Variants in DPYD observed in about 807,000 individuals in gnomAD.
The protein encoded by DPYD is dihydropyrimidine dehydrogenase [NADP(+)].
A neutral mutation model predicts 116.2 loss-of-function variants in DPYD; 109 were observed. That is an observed-to-expected ratio of 0.94 (90% CI 0.80 to 1.10). The LOEUF is 1.10. Ranked by LOEUF, DPYD falls within the 50% of genes least tolerant of loss-of-function variation. The pLI is 0.00. For missense variants in DPYD, 1,302 were observed against 1,254.5 expected (o/e 1.04, Z -0.57); for synonymous variants, 440 against 432.0 (o/e 1.02, Z -0.23).
intron 8 of DPYD, among the ~76,000 whole-genome samples, chr1:97,653,004 C>A (rs2100846298): frequency 6.6e-6 from 1 of 152,214 alleles, no homozygotes; most frequent in South Asian, 2.1e-4. Flanking sequence ...CAGTGATGAT[C>A]CTGCTTCAAT....
At chr1:97,619,325 C>A (rs1656493705) in intron 8 of DPYD, among the ~76,000 whole-genome samples, 1 of 152,148 alleles carries the variant, frequency 6.6e-6, no homozygotes, top group African/African-American at 2.4e-5. Flanking sequence ...AACCTGACAA[C>A]TACTAGCTTA....
At chr1:97,643,179 T>C (rs1658037574) in intron 8 of DPYD, among the ~76,000 whole-genome samples, 2 of 152,126 alleles carry the variant, frequency 1.3e-5, no homozygotes, top group African/African-American at 2.4e-5. Context: ...TTTTGTAATC[T>C]ATCCATCTGA....
intron 13 of DPYD, among the ~76,000 whole-genome samples, chr1:97,493,158 G>A (rs1679063013): frequency 6.6e-6 from 1 of 152,124 alleles, no homozygotes; most frequent in Non-Finnish European, 1.5e-5. Flanking sequence ...GGAAGTTAAG[G>A]AATATGCTCT....
intron 10 of DPYD, among the ~76,000 whole-genome samples, chr1:97,580,669 A>G (rs1653587171): frequency 6.6e-6 from 1 of 152,164 alleles, no homozygotes; most frequent in South Asian, 2.1e-4. Flanking sequence ...AGATTTAGCA[A>G]TAACCCTGCT....
intron 20 of DPYD, among the ~76,000 whole-genome samples, chr1:97,191,742 T>G (rs1353887451): frequency 1.3e-5 from 2 of 152,150 alleles, no homozygotes; most frequent in Non-Finnish European, 2.9e-5. Flanking sequence ...GGTCATAAAC[T>G]ATCATGTCAG....
intron 20 of DPYD, among the ~76,000 whole-genome samples, chr1:97,143,060 G>GT (rs1441020626): frequency 1.3e-5 from 2 of 151,456 alleles, no homozygotes; most frequent in Non-Finnish European, 2.9e-5. Flanking sequence ...TTTTTTTCCT[G>GT]TCCACAAATG....
At chr1:97,602,384 T>G (rs1655306332) in intron 8 of DPYD, among the ~76,000 whole-genome samples, 1 of 152,068 alleles carries the variant, frequency 6.6e-6, no homozygotes, top group South Asian at 2.1e-4. Flanking sequence ...ATTTAGAATA[T>G]CTACAGGTGA....
intron 4 of DPYD, among the ~76,000 whole-genome samples, chr1:97,736,152 C>A (rs527893424): frequency 2.0e-5 from 3 of 151,806 alleles, no homozygotes; most frequent in Admixed American, 6.6e-5. Context: ...TGTTTAACAT[C>A]AAAAACTAAA....
At chr1:97,524,146 T>G (rs1319372921) in intron 12 of DPYD, among the ~76,000 whole-genome samples, 1 of 152,112 alleles carries the variant, frequency 6.6e-6, no homozygotes, top group African/African-American at 2.4e-5. Context: ...CCCAAGAAAC[T>G]TATGGTCAAG....
intron 5 of DPYD, among the ~76,000 whole-genome samples, chr1:97,718,274 GA>G (rs1301015796): frequency 6.6e-6 from 1 of 151,628 alleles, no homozygotes; most frequent in Non-Finnish European, 1.5e-5. Flanking sequence ...CTTATTTTGA[GA>G]ATTGTCTATT....
In DPYD at chr1:97,079,086, T is replaced by C; in HGVS notation, c.2968A>G (p.Thr990Ala). ...PTITDTCTGC[T>A]LCLSVCPIVD... ...ATAGGGCAAACACTGAGACACAGAG[T>C]ACAGCCTGTACAAGTGTCGGTTATG... Residue 990 changes from threonine to alanine, a missense_variant, in exon 23 of 23, where the codon ACT becomes GCT. Transcript: ENST00000370192. 1 of 1,613,654 alleles carries C rather than the reference T, an allele frequency of 6.2e-7. No individual in the cohort carries two copies.
chr1:97,203,565 A>G (rs1023916733), intron 19 of DPYD, among the ~76,000 whole-genome samples: 1 of 150,954 alleles, frequency 6.6e-6, no homozygotes, highest in African/African-American at 2.4e-5. Context: ...CCAGCATGGC[A>G]CATGTATACA....
chr1:97,611,456 A>T (rs900556047), intron 8 of DPYD, among the ~76,000 whole-genome samples: 1 of 152,074 alleles, frequency 6.6e-6, no homozygotes, highest in Non-Finnish European at 1.5e-5. Flanking sequence ...TTATTTTTCT[A>T]TAGAGAGAAA....
chr1:97,105,363 T>C (rs1651060956), intron 20 of DPYD, among the ~76,000 whole-genome samples: 1 of 152,018 alleles, frequency 6.6e-6, no homozygotes, highest in Admixed American at 6.6e-5. Flanking sequence ...TGAAGGACTT[T>C]TATAAACAGG....
intron 13 of DPYD, among the ~76,000 whole-genome samples, chr1:97,487,540 G>A (rs1202419646): frequency 1.3e-5 from 2 of 152,098 alleles, no homozygotes; most frequent in African/African-American, 4.8e-5. Flanking sequence ...GGGTGTGGTG[G>A]CGGGCACCTG....
intron 12 of DPYD, among the ~76,000 whole-genome samples, chr1:97,524,860 A>C (rs1648939911): frequency 6.6e-6 from 1 of 152,126 alleles, no homozygotes; most frequent in Admixed American, 6.5e-5. Context: ...TTTGTATTTT[A>C]AACTTATTAC....
chr1:97,449,761 A>T (rs888737347), intron 14 of DPYD, among the ~76,000 whole-genome samples: 1 of 152,202 alleles, frequency 6.6e-6, no homozygotes, highest in Admixed American at 6.5e-5. Flanking sequence ...AATACCAGCC[A>T]CATACAGTGA....
At chr1:97,506,876 A>G (rs1278280050) in intron 13 of DPYD, among the ~76,000 whole-genome samples, 1 of 152,070 alleles carries the variant, frequency 6.6e-6, no homozygotes, top group East Asian at 1.9e-4. Context: ...TTTTTACTTA[A>G]CAGACTAAGT....
intron 16 of DPYD, among the ~76,000 whole-genome samples, chr1:97,337,652 A>ATT (rs67279659): frequency 2.1e-3 from 308 of 145,470 alleles, no homozygotes; most frequent in East Asian, 0.013. Context: ...GACTTAACAC[A>ATT]TTTTTTTTTT....
Sources: gnomAD v4.1 joint callset for allele counts (sites outside exome capture counted in the v4.1 genomes callset) on GRCh38, gnomAD v4.1.1 for gene constraint, MANE v1.5 for transcripts, NCBI Gene and HGNC (gene_info 2026-07-23, HGNC 2026-07-21) for gene names.